Variants in SPAG16 observed in about 807,000 individuals in gnomAD.
SPAG16 encodes the protein sperm-associated antigen 16 protein.
In SPAG16, 86 loss-of-function variants were observed where a neutral mutation model predicts 80.4. The ratio of observed to expected loss-of-function variants is 1.07; its 90% CI spans 0.90 to 1.28. SPAG16 has a LOEUF of 1.28. Ranked by LOEUF, SPAG16 falls within the 50% of genes most tolerant of loss-of-function variation. The pLI is 0.00. For synonymous variants in SPAG16, 294 were observed against 265.9 expected (o/e 1.11, Z -1.03); for missense variants, 870 against 765.3 (o/e 1.14, Z -1.61).
chr2:213,836,712 A>G lies in SPAG16; in HGVS notation c.1071-25773A>G, dbSNP rs552804278. ...CTGCAACCTCTGCCTCCCAGGTTCA[A>G]GCAATTCTCCTGCCTCAGCACCCAC... On this transcript the variant is annotated intron_variant, in intron 10 of 15. Coordinates refer to ENST00000331683, the MANE Select transcript of SPAG16 (RefSeq NM_024532.5). Among the ~76,000 whole-genome samples the G allele has an allele frequency of 3.9e-5, 6 of 152,074 alleles. 1 individual carries two copies. The South Asian group carries it at 6.2e-4, about 16-fold the overall frequency.
intron 13 of SPAG16, among the ~76,000 whole-genome samples, chr2:214,021,917 C>G (rs988396285): frequency 6.6e-6 from 1 of 152,020 alleles, no homozygotes; most frequent in African/African-American, 2.4e-5. Context: ...AAAGCTTTCC[C>G]TTTACTATTT....
intron 9 of SPAG16, among the ~76,000 whole-genome samples, chr2:213,401,679 C>A (rs73990342): frequency 0.012 from 1,759 of 152,206 alleles, 32 homozygotes; most frequent in African/African-American, 0.039. Flanking sequence ...CAGTCTCTTT[C>A]ATTTATCTGG....
intron 10 of SPAG16, among the ~76,000 whole-genome samples, chr2:213,579,692 C>G (rs1200726879): frequency 6.6e-6 from 1 of 152,076 alleles, no homozygotes; most frequent in Non-Finnish European, 1.5e-5. Flanking sequence ...TGTCCCTTTA[C>G]ATTGATTTGA....
chr2:213,591,139 T>G (rs2124921655), intron 10 of SPAG16, among the ~76,000 whole-genome samples: 2 of 152,356 alleles, frequency 1.3e-5, no homozygotes, highest in Non-Finnish European at 2.9e-5. Flanking sequence ...TATTCTATAT[T>G]CTTGCCATCT....
At chr2:213,532,732 A>T (rs2076115381) in intron 10 of SPAG16, among the ~76,000 whole-genome samples, 1 of 150,906 alleles carries the variant, frequency 6.6e-6, no homozygotes, top group South Asian at 2.1e-4. Flanking sequence ...AAGTGCTGGG[A>T]TTACAGGCAT....
chr2:213,916,107 CT>C (rs2077952580), intron 11 of SPAG16, among the ~76,000 whole-genome samples: 1 of 152,140 alleles, frequency 6.6e-6, no homozygotes, highest in South Asian at 2.1e-4. Context: ...TGCAGAAGCT[CT>C]TTAGTTTAAT....
intron 1 of SPAG16, among the ~76,000 whole-genome samples, chr2:213,289,446 G>T (rs1295746538): frequency 1.3e-5 from 2 of 152,160 alleles, no homozygotes; most frequent in Admixed American, 1.3e-4. Flanking sequence ...TGTTGAATTG[G>T]TAGTGGCTCC....
intron 10 of SPAG16, among the ~76,000 whole-genome samples, chr2:213,700,607 T>G (rs1197240232): frequency 1.3e-5 from 2 of 152,200 alleles, no homozygotes. Flanking sequence ...ATTACATTTA[T>G]TTCTCAGTAA....
At chr2:214,286,402 T>C (rs1693365389) in intron 15 of SPAG16, among the ~76,000 whole-genome samples, 1 of 152,220 alleles carries the variant, frequency 6.6e-6, no homozygotes, top group East Asian at 1.9e-4. Flanking sequence ...TTCTCCAAAA[T>C]CCATGTAAAA....
intron 9 of SPAG16, among the ~76,000 whole-genome samples, chr2:213,383,690 A>C (rs944893442): frequency 2.0e-4 from 30 of 152,176 alleles, no homozygotes; most frequent in African/African-American, 7.0e-4. Context: ...TAAGACATGA[A>C]CTACTGTCCT....
intron 10 of SPAG16, among the ~76,000 whole-genome samples, chr2:213,510,378 CTATT>C (rs764184634): frequency 2.0e-5 from 3 of 151,938 alleles, no homozygotes; most frequent in Non-Finnish European, 4.4e-5. Context: ...CATTCTTTAA[CTATT>C]TAACATTTTT....
chr2:213,873,806 G>C (rs894378565), intron 11 of SPAG16, among the ~76,000 whole-genome samples: 7 of 151,774 alleles, frequency 4.6e-5, no homozygotes. Context: ...TTAATGGTGA[G>C]GATACATTTG....
intron 15 of SPAG16, chr2:214,240,644 A>T (rs1453825003): frequency 6.6e-6 from 1 of 152,200 alleles, no homozygotes; most frequent in Non-Finnish European, 1.5e-5. Flanking sequence ...AAATTTAGCT[A>T]TACAATCTAC....
intron 15 of SPAG16, among the ~76,000 whole-genome samples, chr2:214,219,026 T>C (rs1478384240): frequency 6.6e-6 from 1 of 152,236 alleles, no homozygotes; most frequent in African/African-American, 2.4e-5. Context: ...GGTGAAGCTA[T>C]AGGGCTTATT....
At chr2:213,727,617 G>A (rs559343779) in intron 10 of SPAG16, among the ~76,000 whole-genome samples, 1 of 152,296 alleles carries the variant, frequency 6.6e-6, no homozygotes, top group East Asian at 1.9e-4. Flanking sequence ...GTGACATGGA[G>A]AGGAATAAAT....
At chr2:214,250,721 A>T (rs1690196757) in intron 15 of SPAG16, among the ~76,000 whole-genome samples, 2 of 136,140 alleles carry the variant, frequency 1.5e-5, no homozygotes, top group East Asian at 2.1e-4. Flanking sequence ...TATATTTCTA[A>T]AGGAGCTTTG....
intron 13 of SPAG16, among the ~76,000 whole-genome samples, chr2:214,059,196 A>ATATATATATGTATGTG (rs2050106925): frequency 9.9e-5 from 3 of 30,312 alleles, no homozygotes; most frequent in South Asian, 1.8e-3. Flanking sequence ...CTATATATAT[A>ATATATATATGTATGTG]TATATATATA....
intron 10 of SPAG16, among the ~76,000 whole-genome samples, chr2:213,632,623 T>C (rs1024965369): frequency 1.3e-5 from 2 of 152,172 alleles, no homozygotes; most frequent in Non-Finnish European, 2.9e-5. Context: ...ATATGGCTTT[T>C]ATTATGTTGA....
intron 11 of SPAG16, among the ~76,000 whole-genome samples, chr2:213,901,751 C>G (rs893717905): frequency 1.3e-5 from 2 of 151,902 alleles, no homozygotes; most frequent in African/African-American, 4.8e-5. Context: ...AAGATACATA[C>G]CCAAGCAGCA....
Sources: allele counts gnomAD v4.1 joint callset (sites outside exome capture counted in the v4.1 genomes callset), GRCh38; gene constraint gnomAD v4.1.1; transcripts MANE v1.5; gene names NCBI Gene and HGNC (gene_info 2026-07-23, HGNC 2026-07-21).